The following PRRX1 variants were observed in gnomAD, a reference collection of about 807,000 sequenced individuals.
PRRX1 encodes the protein paired mesoderm homeobox protein 1.
A neutral mutation model predicts 24.0 loss-of-function variants in PRRX1; 8 were observed. The ratio of observed to expected loss-of-function variants is 0.33; its 90% CI spans 0.20 to 0.60. The LOEUF (loss-of-function observed/expected upper bound fraction) is 0.60, where lower values mean the gene tolerates loss of function less well. Among genes scored for constraint, PRRX1 ranks in the 20% least tolerant of loss-of-function variants. The pLI is 0.82. For synonymous variants in PRRX1, 160 were observed against 131.7 expected (o/e 1.22, Z -1.47); for missense variants, 281 against 322.4 (o/e 0.87, Z 0.98).
chr1:170,665,692 G>T (rs559799076), intron 1 of PRRX1, among the ~76,000 whole-genome samples: 1 of 152,218 alleles, frequency 6.6e-6, no homozygotes, highest in East Asian at 1.9e-4. Context: ...AACAGGGTCC[G>T]GGCACAGTGG....
At chr1:170,704,607 T>G (rs1204053563) in intron 1 of PRRX1, among the ~76,000 whole-genome samples, 1 of 152,218 alleles carries the variant, frequency 6.6e-6, no homozygotes, top group Non-Finnish European at 1.5e-5. Context: ...CTTTGGAAAG[T>G]TGGTGTCATA....
chr1:170,703,342 C>T (rs570697918), intron 1 of PRRX1, among the ~76,000 whole-genome samples: 4 of 151,580 alleles, frequency 2.6e-5, no homozygotes, highest in African/African-American at 7.3e-5. Flanking sequence ...GCTCCCTGAG[C>T]CTTGGTCTCC....
chr1:170,672,216 A>G (rs1279944146), intron 1 of PRRX1, among the ~76,000 whole-genome samples: 1 of 152,202 alleles, frequency 6.6e-6, no homozygotes, highest in African/African-American at 2.4e-5. Flanking sequence ...ATGAGGATAA[A>G]TTTTTAACCC....
At chr1:170,677,294 C>T (rs1019782110) in intron 1 of PRRX1, among the ~76,000 whole-genome samples, 13 of 152,284 alleles carry the variant, frequency 8.5e-5, no homozygotes, top group East Asian at 5.8e-4. Flanking sequence ...ATATTTATCA[C>T]GCAGATTTGT....
At chr1:170,688,787 A>C (rs145436555) in intron 1 of PRRX1, among the ~76,000 whole-genome samples, 1,538 of 152,264 alleles carry the variant, frequency 0.01, 21 homozygotes, top group Non-Finnish European at 0.014. Flanking sequence ...GGAACTGTTT[A>C]CAGGAAATTC....
Position 170,721,522 on chromosome 1 carries a change from T to C in PRRX1, c.417+1621T>C, listed in dbSNP as rs140970709. Among the ~76,000 whole-genome samples, 14 of 152,168 alleles carry C rather than the reference T, an allele frequency of 9.2e-5. No individual in the cohort carries two copies. The East Asian group carries it at 2.7e-3, about 30-fold the overall frequency. Reference sequence around the variant, plus strand: ...CAGCCTGAAGAGAAAGTGTGAACGCTTTCCCACGGGGAAACAGGGACCTCA... The same window carrying C: ...CAGCCTGAAGAGAAAGTGTGAACGCCTTCCCACGGGGAAACAGGGACCTCA... On this transcript the variant is annotated intron_variant, in intron 2 of 3. Transcript: ENST00000239461.
chr1:170,730,785 A>G (rs1041105984), intron 3 of PRRX1, among the ~76,000 whole-genome samples: 11 of 152,110 alleles, frequency 7.2e-5, no homozygotes, highest in African/African-American at 2.7e-4. Flanking sequence ...CAGTCAGATC[A>G]TTGCTCTCTT....
In PRRX1 at chr1:170,738,857, G is replaced by T. The variant is rs1405876171; in HGVS notation, c.*2671G>T. 8.7e-6 allele frequency: 2 copies of T among 229,288 alleles called. No individual in the cohort carries two copies. The highest frequency in any genetic ancestry group is 1.2e-4 in the East Asian group (2 of 16,084). 14.2% of individuals were successfully genotyped at this position (229,288 alleles called of 1,614,324 possible). A position where few individuals can be genotyped will look rare whatever the true frequency, so the allele number is the denominator to read the frequency against. On this transcript the variant is annotated 3_prime_UTR_variant, in exon 4 of 4. Transcript: ENST00000239461. Reference sequence around the variant, plus strand: ...TGGGTGGTTTTATCCAATGTCTCAAGCAAGCAATGTCTGGGAATATCATAG... The same window carrying T: ...TGGGTGGTTTTATCCAATGTCTCAATCAAGCAATGTCTGGGAATATCATAG...
chr1:170,730,347 A>G (rs1558063840), intron 3 of PRRX1: 2 of 1,606,878 alleles, frequency 1.2e-6, no homozygotes, highest in African/African-American at 2.7e-5. Context: ...GACACTGAAA[A>G]GGTAACTTGT....
intron 2 of PRRX1, among the ~76,000 whole-genome samples, chr1:170,720,147 G>A (rs1206126680): frequency 1.3e-5 from 2 of 152,110 alleles, no homozygotes. Context: ...GCATGATGCT[G>A]CGTGCCTGTG....
At chr1:170,670,007 C>T (rs1445559426) in intron 1 of PRRX1, among the ~76,000 whole-genome samples, 3 of 152,160 alleles carry the variant, frequency 2.0e-5, no homozygotes, top group Non-Finnish European at 4.4e-5. Flanking sequence ...CTCGCATTCT[C>T]TATCTAAGCC....
At chr1:170,703,851 G>A (rs1030290794) in intron 1 of PRRX1, among the ~76,000 whole-genome samples, 6 of 152,094 alleles carry the variant, frequency 3.9e-5, no homozygotes, top group East Asian at 3.9e-4. Context: ...CCCTGAATAC[G>A]TAGTTGAGAC....
intron 3 of PRRX1, among the ~76,000 whole-genome samples, chr1:170,731,010 C>G (rs184236997): frequency 6.6e-6 from 1 of 152,190 alleles, no homozygotes. Context: ...GGAAAGCTTA[C>G]CAATGAAATG....
rs114467718 is a variant in PRRX1, at chr1:170,710,657, A to G, written c.242-9069A>G. 3.8e-3 allele frequency among the ~76,000 whole-genome samples: 578 copies of G among 152,294 alleles called. 5 individuals are homozygous for G. The highest frequency in any genetic ancestry group is 0.013 in the African/African-American group (525 of 41,568). ...AACCCCCAGTGTGACACTATTTGGA[A>G]GTAAGACCTTTGAAAGGTAATAAGG... On this transcript the variant is annotated intron_variant, in intron 1 of 3. Transcript: ENST00000239461.
At chr1:170,731,781 A>C (rs1192701880) in intron 3 of PRRX1, among the ~76,000 whole-genome samples, 2 of 152,212 alleles carry the variant, frequency 1.3e-5, no homozygotes, top group Non-Finnish European at 2.9e-5. Flanking sequence ...AGTAAATGGA[A>C]ACATTTGAAG....
intron 1 of PRRX1, among the ~76,000 whole-genome samples, chr1:170,693,280 G>A (rs529316741): frequency 6.6e-6 from 1 of 152,046 alleles, no homozygotes; most frequent in African/African-American, 2.4e-5. Flanking sequence ...CTGTAGAAAG[G>A]TTCTAAATAT....
intron 2 of PRRX1, among the ~76,000 whole-genome samples, chr1:170,721,865 G>A (rs1423014025): frequency 1.3e-5 from 2 of 151,956 alleles, no homozygotes; most frequent in African/African-American, 2.4e-5. Context: ...GCTTGCGGTG[G>A]TGTAATGAAT....
chr1:170,694,277 A>G (rs1654088111), intron 1 of PRRX1, among the ~76,000 whole-genome samples: 1 of 152,150 alleles, frequency 6.6e-6, no homozygotes, highest in Non-Finnish European at 1.5e-5. Context: ...TCAGAGTTGA[A>G]AGAGAGCTTA....
intron 1 of PRRX1, among the ~76,000 whole-genome samples, chr1:170,702,064 G>A (rs1191859825): frequency 6.6e-6 from 1 of 152,150 alleles, no homozygotes; most frequent in African/African-American, 2.4e-5. Flanking sequence ...CGGCTCATCA[G>A]GCATTAATTT....
Sources: allele counts gnomAD v4.1 joint callset (sites outside exome capture counted in the v4.1 genomes callset), GRCh38; gene constraint gnomAD v4.1.1; transcripts MANE v1.5; gene names NCBI Gene and HGNC (gene_info 2026-07-23, HGNC 2026-07-21).